KIR2DL3: variants seen among roughly 807,000 people sequenced by gnomAD.
KIR2DL3 encodes the protein killer cell immunoglobulin like receptor, two Ig domains and long cytoplasmic tail 3, also known as killer cell immunoglobulin-like receptor 2DL3.
In KIR2DL3, 39 loss-of-function variants were observed where a neutral mutation model predicts 33.8. That is an observed-to-expected ratio of 1.15 (90% CI 0.89 to 1.51). The LOEUF is 1.51. KIR2DL3 is among the 40% of genes most tolerant of loss of function. KIR2DL3 has a pLI of 0.00. For synonymous variants in KIR2DL3, 174 were observed against 160.2 expected (o/e 1.09, Z -0.65); for missense variants, 462 against 426.2 (o/e 1.08, Z -0.74).
rs1246413011 is a variant in KIR2DL3 at position 54,751,916 on chromosome 19, C to T, written c.820+163C>T. Reference sequence around the variant, plus strand: ...AGAGCACCAGACTCCCTGTCCCTGCCTTCAGCTCACAGACCATTGCCTGAT... The same window carrying T: ...AGAGCACCAGACTCCCTGTCCCTGCTTTCAGCTCACAGACCATTGCCTGAT... On this transcript the variant is annotated intron_variant, in intron 6 of 7. Coordinates refer to ENST00000342376, the MANE Select transcript of KIR2DL3 (RefSeq NM_015868.3). Among the ~76,000 whole-genome samples the T allele has an allele frequency of 2.2e-5, 3 of 133,738 alleles. 1 individual carries two copies. Among genetic ancestry groups the T allele is most frequent in the Admixed American group, 7.7e-5 (1 of 12,924 alleles). The allele number at this position is 133,738 out of a possible 152,430, so 87.7% of individuals were successfully genotyped here.
chr19:54,742,616 C>G (rs1324242225), intron 3 of KIR2DL3, among the ~76,000 whole-genome samples: 2 of 152,052 alleles, frequency 1.3e-5, no homozygotes. Context: ...TCTGTTTTAC[C>G]TCCACAAAGT....
rs1454830380 is a variant in KIR2DL3, at chr19:54,742,059, G to T, written c.150G>T (p.Trp50Cys). ...KSEETVILQC[W>C]SDVRFQHFLL... ...AAGAGACAGTCATCCTGCAATGTTG[G>T]TCAGATGTCAGGTTTCAGCACTTCC... The change falls in exon 3 of 8, where the codon TGG (tryptophan) becomes TGT (cysteine). Residue 50 changes from tryptophan to cysteine, a missense_variant. Coordinates refer to ENST00000342376, the MANE Select transcript of KIR2DL3 (RefSeq NM_015868.3). The T allele has an allele frequency of 1.2e-6, 2 of 1,613,482 alleles. No homozygotes were observed. Among genetic ancestry groups the T allele is most frequent in the East Asian group, 2.2e-5 (1 of 44,872 alleles).
rs1471088667 is a variant in KIR2DL3 at position 54,744,063 on chromosome 19, T to C, written c.639T>C (p.Ser213=). ...CTCCATACGAGTGGTCAAACTCGAG[T>C]GACCCACTGCTTGTTTCTGTCACAG... The part of the protein sequence containing the change: ...RDSPYEWSNS[S]DPLLVSVTGN... The change falls in exon 4 of 8, where the codon AGT becomes AGC. Residue 213 remains serine (S), a synonymous_variant. Transcript: ENST00000342376. 22 of 1,614,204 alleles carry C rather than the reference T, an allele frequency of 1.4e-5. No homozygotes were observed. In the African/African-American group the frequency reaches 2.7e-4, roughly 20 times the overall value.
In KIR2DL3 at chr19:54,751,947, A is replaced by C. The variant is rs919300163; in HGVS notation, c.820+194A>C. Among the ~76,000 whole-genome samples, 2 of 133,676 alleles carry C rather than the reference A, an allele frequency of 1.5e-5. 1 individual carries two copies. The highest frequency in any genetic ancestry group is 1.5e-4 in the Admixed American group (2 of 12,916). The allele number at this position is 133,676 out of a possible 152,430, so 87.7% of individuals were successfully genotyped here. ...CTCACAGACCATTGCCTGATTCTGA[A>C]CTGTATCCTCATGTCCCCTGCAGCC... On this transcript the variant is annotated intron_variant, in intron 6 of 7. Coordinates refer to ENST00000342376, the MANE Select transcript of KIR2DL3 (RefSeq NM_015868.3).
intron 3 of KIR2DL3, among the ~76,000 whole-genome samples, chr19:54,743,367 G>A (rs1294758267): frequency 1.3e-5 from 2 of 152,002 alleles, no homozygotes; most frequent in African/African-American, 2.4e-5. Context: ...ATAGACAAGT[G>A]ATAGATACAT....
chr19:54,738,792 T>C (rs368378), intron 1 of KIR2DL3, among the ~76,000 whole-genome samples: 3 of 84,644 alleles, frequency 3.5e-5, no homozygotes, highest in Non-Finnish European at 7.0e-5. Flanking sequence ...TATGGGCTTG[T>C]AGTGGAGACA....
At chr19:54,739,376 G>A in intron 1 of KIR2DL3, 131 bp from the exon 2 acceptor site, 1 of 1,491,732 alleles carries the variant, frequency 6.7e-7, no homozygotes, top group South Asian at 1.1e-5. Flanking sequence ...TTGGGTGCAG[G>A]TAGGCACTGA....
In KIR2DL3 at chr19:54,752,866, C is replaced by G; in HGVS notation, c.*347C>G. On this transcript the variant is annotated 3_prime_UTR_variant, in exon 8 of 8. Transcript: ENST00000342376. ...GGCTGCAATCACACTGAGGAACTCA[C>G]AATTCCAAACATACAAGAGGCTCCC... The G allele has an allele frequency of 2.3e-6, 1 of 439,344 alleles. No homozygotes were observed. The highest frequency in any genetic ancestry group is 3.6e-5 in the East Asian group (1 of 27,912). 27.2% of individuals were successfully genotyped at this position (439,344 alleles called of 1,614,324 possible).
At chr19:54,739,450 G>C in intron 1 of KIR2DL3, 57 bp from the exon 2 acceptor site, 1 of 1,612,852 alleles carries the variant, frequency 6.2e-7, no homozygotes, top group Non-Finnish European at 8.5e-7. Context: ...AGTGGGGGCA[G>C]CAAGGGAGGC....
intron 5 of KIR2DL3, among the ~76,000 whole-genome samples, chr19:54,749,769 T>C (rs532287865): frequency 2.8e-5 from 2 of 71,422 alleles, no homozygotes; most frequent in African/African-American, 1.1e-4. Flanking sequence ...CGATGGTGCA[T>C]CCCTGTAATC....
At chr19:54,741,855 A>C in intron 2 of KIR2DL3, 125 bp from the exon 3 acceptor site, 1 of 1,274,274 alleles carries the variant, frequency 7.8e-7, no homozygotes, top group Admixed American at 2.2e-5. Flanking sequence ...CACAGAAAAG[A>C]ACATGAAGAC....
At position 54,739,496 on chromosome 19, in the gene KIR2DL3, T is replaced by C. The variant is rs2070571100; in HGVS notation, c.35-11T>C. ...TGCAGATGGATGGTCCATCATGATCTTTCTTTCCAGGGTTCTTCTTGCTGC... is the reference window on the plus strand; with the variant it reads ...TGCAGATGGATGGTCCATCATGATCCTTCTTTCCAGGGTTCTTCTTGCTGC... On this transcript the variant is annotated splice_polypyrimidine_tract_variant and intron_variant, in intron 1 of 7. Coordinates refer to ENST00000342376, the MANE Select transcript of KIR2DL3 (RefSeq NM_015868.3). 6.2e-7 allele frequency: 1 copy of C among 1,613,952 alleles called. No individual in the cohort carries two copies. The highest frequency in any genetic ancestry group is 1.3e-5 in the African/African-American group (1 of 75,024).
Position 54,747,265 on chromosome 19 carries a change from C to A in KIR2DL3, c.665-70C>A. The A allele has an allele frequency of 2.5e-6, 4 of 1,586,110 alleles. No individual in the cohort carries two copies. In the South Asian group the frequency reaches 4.4e-5, roughly 18 times the overall value. On this transcript the variant is annotated intron_variant, in intron 4 of 7. Transcript: ENST00000342376. ...AACAGAGTGTTGGCCATGAACCAAC[C>A]TCAAAGATTTCCATTGAGTAGAGGA...
At chr19:54,745,309 C>A (rs1159077330) in intron 4 of KIR2DL3, among the ~76,000 whole-genome samples, 2 of 152,082 alleles carry the variant, frequency 1.3e-5, no homozygotes, top group Middle Eastern at 3.2e-3. Flanking sequence ...TGGATATAAA[C>A]CCAGTAGTGA....
At chr19:54,749,345 G>A (rs1274496959) in intron 5 of KIR2DL3, among the ~76,000 whole-genome samples, 9 of 144,420 alleles carry the variant, frequency 6.2e-5, no homozygotes, top group Admixed American at 3.5e-4. Flanking sequence ...CTAGGAGACC[G>A]TGGAAAAGGC....
intron 5 of KIR2DL3, 25 bp downstream of exon 5, chr19:54,747,410 C>T (rs573639443): frequency 3.9e-5 from 63 of 1,607,574 alleles, no homozygotes; most frequent in African/African-American, 2.5e-4. Flanking sequence ...CTCTTATATC[C>T]GCTTTTGGAA....
Position 54,745,994 on chromosome 19 carries a change from G to A in KIR2DL3, c.665-1341G>A, listed in dbSNP as rs1288881639. On this transcript the variant is annotated intron_variant, in intron 4 of 7. Coordinates refer to ENST00000342376, the MANE Select transcript of KIR2DL3 (RefSeq NM_015868.3). ...CGCCCAACTAAATTTTGTATTTTTA[G>A]TAGAGACAGTGTTTCTTCATGTGGG... Among the ~76,000 whole-genome samples the A allele has an allele frequency of 1.6e-4, 21 of 131,912 alleles. 5 individuals are homozygous for A. The highest frequency in any genetic ancestry group is 5.5e-4 in the Admixed American group (7 of 12,734). 86.5% of individuals were successfully genotyped at this position (131,912 alleles called of 152,430 possible).
intron 4 of KIR2DL3, among the ~76,000 whole-genome samples, chr19:54,744,870 T>TTATA (rs1185648350): frequency 0.013 from 1,029 of 78,372 alleles, 15 homozygotes; most frequent in East Asian, 0.03. Flanking sequence ...ATAAATACAT[T>TTATA]TATATATATA....
At chr19:54,744,949 TATATA>T (rs1182445773) in intron 4 of KIR2DL3, among the ~76,000 whole-genome samples, 33 of 29,796 alleles carry the variant, frequency 1.1e-3, no homozygotes, top group Middle Eastern at 0.016. Flanking sequence ...TATATATATA[TATATA>T]TTTTTTTTTT....
Sources: allele counts gnomAD v4.1 joint callset (sites outside exome capture counted in the v4.1 genomes callset), GRCh38; gene constraint gnomAD v4.1.1; transcripts MANE v1.5; gene names NCBI Gene and HGNC (gene_info 2026-07-23, HGNC 2026-07-21).